Variants in ANAPC10 observed in about 807,000 individuals in gnomAD.
ANAPC10 encodes the protein anaphase promoting complex subunit 10, also known as anaphase-promoting complex subunit 10.
A neutral mutation model predicts 22.0 loss-of-function variants in ANAPC10; 12 were observed. The observed-to-expected ratio is 0.55, with a 90% CI of 0.35 to 0.88. The LOEUF is 0.88. Ranked by LOEUF, ANAPC10 falls within the 40% of genes least tolerant of loss-of-function variation. ANAPC10 has a pLI of 0.01. For missense variants in ANAPC10, 188 were observed against 220.9 expected (o/e 0.85, Z 0.94); for synonymous variants, 65 against 69.5 (o/e 0.94, Z 0.32).
rs573577081 is a variant in ANAPC10, at chr4:145,008,721, C to G, written c.328-13118G>C. On this transcript the variant is annotated intron_variant, in intron 4 of 4. Coordinates refer to ENST00000507656, the MANE Select transcript of ANAPC10 (RefSeq NM_001256706.2). The stretch of plus-strand genomic sequence containing the variant: ...ATAAGAGCTATTTATGACAAACCCA[C>G]AGCCAATATCATACTGAATGGGCAA... Among the ~76,000 whole-genome samples, 91 of 152,322 alleles carry G rather than the reference C, an allele frequency of 6.0e-4. No individual in the cohort carries two copies. In the South Asian group the frequency reaches 0.01, roughly 17 times the overall value.
chr4:145,010,592 A>G (rs1013873014), intron 4 of ANAPC10, among the ~76,000 whole-genome samples: 2 of 152,090 alleles, frequency 1.3e-5, no homozygotes, highest in Non-Finnish European at 2.9e-5. Context: ...CGAACACCAC[A>G]TATTCTAACT....
chr4:145,023,743 A>G (rs1464010448), intron 4 of ANAPC10, among the ~76,000 whole-genome samples: 1 of 152,188 alleles, frequency 6.6e-6, no homozygotes, highest in African/African-American at 2.4e-5. Context: ...TTGCTGGTGT[A>G]AGGTCTTGCC....
intron 4 of ANAPC10, among the ~76,000 whole-genome samples, chr4:145,046,702 T>C (rs913746112): frequency 2.6e-5 from 4 of 152,068 alleles, no homozygotes; most frequent in African/African-American, 9.7e-5. Context: ...AAAATAATTT[T>C]TTTAAAAATC....
At chr4:144,999,859 A>C (rs1298436996) in intron 4 of ANAPC10, among the ~76,000 whole-genome samples, 1 of 152,204 alleles carries the variant, frequency 6.6e-6, no homozygotes. Flanking sequence ...ACAGAGATAT[A>C]GACCAATGCA....
chr4:145,029,707 G>A (rs1013842725), intron 4 of ANAPC10, among the ~76,000 whole-genome samples: 17 of 152,250 alleles, frequency 1.1e-4, no homozygotes, highest in African/African-American at 4.1e-4. Context: ...CACTGTGAGA[G>A]AGGTGGAAAT....
chr4:145,094,403 T>C (rs1560944215), intron 2 of ANAPC10, among the ~76,000 whole-genome samples: 1 of 152,214 alleles, frequency 6.6e-6, no homozygotes, highest in Admixed American at 6.5e-5. Flanking sequence ...TCGATTATAA[T>C]GCTGCTTATA....
chr4:144,997,606 G>C (rs1377792506), intron 4 of ANAPC10, among the ~76,000 whole-genome samples: 1 of 152,158 alleles, frequency 6.6e-6, no homozygotes, highest in Non-Finnish European at 1.5e-5. Flanking sequence ...GGAACAACCA[G>C]TACCAGACAC....
At chr4:145,015,774 G>A (rs1411099563) in intron 4 of ANAPC10, among the ~76,000 whole-genome samples, 1 of 152,078 alleles carries the variant, frequency 6.6e-6, no homozygotes, top group African/African-American at 2.4e-5. Flanking sequence ...AAGAGATTAG[G>A]GCCCTATCTT....
chr4:145,068,704 G>C (rs1744053708), intron 3 of ANAPC10, among the ~76,000 whole-genome samples: 1 of 152,226 alleles, frequency 6.6e-6, no homozygotes, highest in Non-Finnish European at 1.5e-5. Context: ...AAGGCCAAGA[G>C]ATCGAGACCA....
intron 4 of ANAPC10, among the ~76,000 whole-genome samples, chr4:145,063,013 G>C (rs1213456837): frequency 6.6e-6 from 1 of 152,132 alleles, no homozygotes; most frequent in Non-Finnish European, 1.5e-5. Flanking sequence ...GGCTATAATG[G>C]AAGGAGGGAT....
intron 4 of ANAPC10, among the ~76,000 whole-genome samples, chr4:145,059,070 A>C (rs1742496459): frequency 6.6e-6 from 1 of 152,132 alleles, no homozygotes; most frequent in Non-Finnish European, 1.5e-5. Context: ...TTATCAAACC[A>C]ATTTATGTTT....
At chr4:145,044,327 G>GTTT (rs1739966925) in intron 4 of ANAPC10, among the ~76,000 whole-genome samples, 1 of 151,984 alleles carries the variant, frequency 6.6e-6, no homozygotes. Flanking sequence ...CAGAACAAGG[G>GTTT]TAAAAAAATG....
chr4:145,046,952 G>A (rs1740397831), intron 4 of ANAPC10, among the ~76,000 whole-genome samples: 1 of 152,080 alleles, frequency 6.6e-6, no homozygotes, highest in South Asian at 2.1e-4. Context: ...AAAGCAAGCA[G>A]CCATTACAAA....
chr4:144,998,960 A>G (rs1375269208), intron 4 of ANAPC10, among the ~76,000 whole-genome samples: 1 of 152,186 alleles, frequency 6.6e-6, no homozygotes, highest in East Asian at 1.9e-4. Flanking sequence ...CAGAAATACA[A>G]ACTACCACCA....
chr4:144,996,711 G>A (rs1392085552), intron 4 of ANAPC10, among the ~76,000 whole-genome samples: 4 of 152,154 alleles, frequency 2.6e-5, no homozygotes, highest in East Asian at 1.9e-4. Context: ...CGCCAGCAAC[G>A]GAACAAAGCT....
intron 4 of ANAPC10, among the ~76,000 whole-genome samples, chr4:145,015,705 T>A (rs1560825434): frequency 6.6e-6 from 1 of 152,106 alleles, no homozygotes; most frequent in African/African-American, 2.4e-5. Context: ...CCAGGTAACC[T>A]ATAAAGGTAA....
At chr4:145,018,402 G>C (rs1735518097) in intron 4 of ANAPC10, among the ~76,000 whole-genome samples, 1 of 151,996 alleles carries the variant, frequency 6.6e-6, no homozygotes, top group African/African-American at 2.4e-5. Flanking sequence ...GGGAGGCTCA[G>C]GCGGGCAGAT....
intron 4 of ANAPC10, among the ~76,000 whole-genome samples, chr4:145,043,058 TCA>T (rs1739750993): frequency 1.3e-5 from 2 of 151,796 alleles, no homozygotes; most frequent in Admixed American, 1.3e-4. Context: ...TACAAGGACC[TCA>T]CACAAAGTTT....
chr4:145,080,323 A>G (rs1579133850), intron 3 of ANAPC10, among the ~76,000 whole-genome samples: 1 of 152,266 alleles, frequency 6.6e-6, no homozygotes, highest in Non-Finnish European at 1.5e-5. Context: ...ACAAACCTGC[A>G]CATGTACTCC....
Sources: gnomAD v4.1 joint callset for allele counts (sites outside exome capture counted in the v4.1 genomes callset) on GRCh38, gnomAD v4.1.1 for gene constraint, MANE v1.5 for transcripts, NCBI Gene and HGNC (gene_info 2026-07-23, HGNC 2026-07-21) for gene names.